The following ARHGAP6 variants were observed in gnomAD, a reference collection of about 807,000 sequenced individuals.
The protein encoded by ARHGAP6 is Rho GTPase activating protein 6, also known as rho GTPase-activating protein 6.
ARHGAP6 carries 16 observed loss-of-function variants against 55.7 expected under a neutral mutation model. The ratio of observed to expected loss-of-function variants is 0.29; its 90% CI spans 0.19 to 0.44. The LOEUF (loss-of-function observed/expected upper bound fraction) is 0.44, where lower values mean the gene tolerates loss of function less well. Ranked by LOEUF, ARHGAP6 falls within the 20% of genes least tolerant of loss-of-function variation. The pLI is 1.00. For synonymous variants in ARHGAP6, 382 were observed against 360.9 expected (o/e 1.06, Z -0.66); for missense variants, 698 against 808.9 (o/e 0.86, Z 1.66).
At chrX:11,403,264 C>T (rs150754709) in intron 1 of ARHGAP6, among the ~76,000 whole-genome samples, 317 of 111,237 alleles carry the variant, frequency 2.8e-3, no homozygotes, top group African/African-American at 1.0e-2. Flanking sequence ...TGAAAACTTC[C>T]CCAGTAGGAA....
At chrX:11,660,576 A>G (rs1197355792) in intron 1 of ARHGAP6, among the ~76,000 whole-genome samples, 1 of 94,057 alleles carries the variant, frequency 1.1e-5, no homozygotes, top group African/African-American at 4.0e-5. Context: ...AAAAAAAAAA[A>G]AACCCAACAG....
At chrX:11,425,458 C>T (rs1400764032) in intron 1 of ARHGAP6, among the ~76,000 whole-genome samples, 3 of 112,244 alleles carry the variant, frequency 2.7e-5, no homozygotes, top group Non-Finnish European at 3.8e-5. Context: ...TCTCTGGACA[C>T]GTGACTGATT....
At chrX:11,228,121 C>A in intron 2 of ARHGAP6, among the ~76,000 whole-genome samples, 1 of 111,437 alleles carries the variant, frequency 9.0e-6, no homozygotes, top group South Asian at 3.8e-4. Flanking sequence ...CCATTTTATC[C>A]CTTCAATGAA....
intron 1 of ARHGAP6, among the ~76,000 whole-genome samples, chrX:11,495,396 G>C (rs1456418068): frequency 8.9e-6 from 1 of 111,975 alleles, no homozygotes; most frequent in Non-Finnish European, 1.9e-5. Context: ...GAGACTTGAC[G>C]GGACTTCTCC....
chrX:11,210,793 G>C (rs1466188313), intron 2 of ARHGAP6, among the ~76,000 whole-genome samples: 2 of 112,320 alleles, frequency 1.8e-5, no homozygotes, highest in African/African-American at 6.5e-5. Context: ...TTTTAGACTA[G>C]GAGTGGTTTC....
intron 1 of ARHGAP6, among the ~76,000 whole-genome samples, chrX:11,578,106 G>A (rs1168919510): frequency 8.9e-6 from 1 of 111,869 alleles, no homozygotes; most frequent in Admixed American, 9.5e-5. Flanking sequence ...TCTTTAAGCA[G>A]TGGCTTAAAA....
chrX:11,342,975 C>T (rs2048725777), intron 1 of ARHGAP6, among the ~76,000 whole-genome samples: 1 of 112,101 alleles, frequency 8.9e-6, no homozygotes, highest in African/African-American at 3.2e-5. Flanking sequence ...AGATTCCATA[C>T]TTGAATCTAA....
intron 2 of ARHGAP6, among the ~76,000 whole-genome samples, chrX:11,202,681 G>A (rs1197408004): frequency 9.4e-5 from 10 of 106,108 alleles, no homozygotes; most frequent in South Asian, 8.7e-4. Context: ...GATTGTGGGC[G>A]CCTTTAATCC....
intron 2 of ARHGAP6, among the ~76,000 whole-genome samples, chrX:11,224,603 TG>T (rs1429789532): frequency 1.8e-5 from 2 of 110,356 alleles, no homozygotes; most frequent in Non-Finnish European, 3.8e-5. Flanking sequence ...TTTCCTGGGT[TG>T]GGGTGTAGCT....
intron 10 of ARHGAP6, among the ~76,000 whole-genome samples, chrX:11,145,697 C>T (rs1292286931): frequency 8.9e-6 from 1 of 112,351 alleles, no homozygotes; most frequent in African/African-American, 3.2e-5. Context: ...ACTGGCTACA[C>T]CATTTGTGGA....
At position 11,427,496 on chromosome X, in the gene ARHGAP6, G is replaced by A. The variant is rs777040155; in HGVS notation, c.589-172789C>T. Reference sequence around the variant, plus strand: ...CCATCGCCCCTCGCAGTCCCCACCCGGAGCGGCCCAGTGGCGCCCCCTGTG... The same window carrying A: ...CCATCGCCCCTCGCAGTCCCCACCCAGAGCGGCCCAGTGGCGCCCCCTGTG... On this transcript the variant is annotated intron_variant, in intron 1 of 12. Transcript: ENST00000337414. 3 of 930,292 alleles carry A rather than the reference G, an allele frequency of 3.2e-6. No homozygotes were observed. In the South Asian group the frequency reaches 6.6e-5, roughly 21 times the overall value. 76.7% of individuals were successfully genotyped at this position (930,292 alleles called of 1,213,427 possible). A position where few individuals can be genotyped will look rare whatever the true frequency, so the allele number is the denominator to read the frequency against.
chrX:11,650,109 C>T (rs765335502), intron 1 of ARHGAP6, among the ~76,000 whole-genome samples: 326 of 108,540 alleles, frequency 3.0e-3, no homozygotes, highest in African/African-American at 0.01. Flanking sequence ...ATCCTCTTGC[C>T]TCAGCCTCCC....
chrX:11,518,629 A>C (rs1603239775), intron 1 of ARHGAP6, among the ~76,000 whole-genome samples: 1 of 101,787 alleles, frequency 9.8e-6, no homozygotes, highest in African/African-American at 3.6e-5. Context: ...GCAACAGTGC[A>C]CTTTTTTTTT....
At chrX:11,658,076 T>C (rs182041697) in intron 1 of ARHGAP6, among the ~76,000 whole-genome samples, 1 of 112,113 alleles carries the variant, frequency 8.9e-6, no homozygotes, top group African/African-American at 3.2e-5. Flanking sequence ...GCAGTTTATA[T>C]AGAGAGTCAA....
At chrX:11,418,468 A>G (rs1438725347) in intron 1 of ARHGAP6, among the ~76,000 whole-genome samples, 1 of 111,735 alleles carries the variant, frequency 8.9e-6, no homozygotes, top group Non-Finnish European at 1.9e-5. Context: ...GCCAAACCAA[A>G]TCTTCCTTTT....
chrX:11,501,280 A>C (rs2050675604), intron 1 of ARHGAP6, among the ~76,000 whole-genome samples: 1 of 110,873 alleles, frequency 9.0e-6, no homozygotes, highest in Non-Finnish European at 1.9e-5. Context: ...CAAGATCCCA[A>C]CTCTGCAAAA....
At chrX:11,314,703 C>T (rs952397717) in intron 1 of ARHGAP6, among the ~76,000 whole-genome samples, 2 of 111,747 alleles carry the variant, frequency 1.8e-5, no homozygotes, top group Non-Finnish European at 3.8e-5. Context: ...CTAAATACTG[C>T]ATGTTCTCAC....
chrX:11,290,365 A>G, intron 1 of ARHGAP6: 1 of 358,027 alleles, frequency 2.8e-6, no homozygotes, highest in Admixed American at 3.0e-5. Context: ...GCTCCCAAGA[A>G]AGTATAAGAC....
chrX:11,587,034 C>G (rs2051742843), intron 1 of ARHGAP6, among the ~76,000 whole-genome samples: 1 of 111,746 alleles, frequency 8.9e-6, no homozygotes, highest in African/African-American at 3.3e-5. Flanking sequence ...TATCTTGAGA[C>G]TTTGCTGACA....
Sources: gnomAD v4.1 joint callset for allele counts (sites outside exome capture counted in the v4.1 genomes callset) on GRCh38, gnomAD v4.1.1 for gene constraint, MANE v1.5 for transcripts, NCBI Gene and HGNC (gene_info 2026-07-23, HGNC 2026-07-21) for gene names.